Variants in ATRN observed in about 807,000 individuals in gnomAD.
The protein encoded by ATRN is attractin, also known as attractin-2.
Under a neutral mutation model 178.7 loss-of-function variants are expected in ATRN, and 54 were observed. The observed-to-expected ratio is 0.30, with a 90% CI of 0.24 to 0.38. The LOEUF (loss-of-function observed/expected upper bound fraction) is 0.38. Ranked by LOEUF, ATRN falls within the 10% of genes least tolerant of loss-of-function variation. ATRN has a pLI of 1.00. For missense variants in ATRN, 1,443 were observed against 1,815.1 expected (o/e 0.79, Z 3.73); for synonymous variants, 636 against 663.0 (o/e 0.96, Z 0.63).
intron 1 of ATRN, among the ~76,000 whole-genome samples, chr20:3,532,310 C>T (rs1288748868): frequency 2.0e-5 from 3 of 152,224 alleles, no homozygotes; most frequent in African/African-American, 2.4e-5. Context: ...TACACACACA[C>T]GGAATAAAAC....
At chr20:3,504,818 A>G (rs143739260) in intron 1 of ATRN, among the ~76,000 whole-genome samples, 55 of 152,052 alleles carry the variant, frequency 3.6e-4, no homozygotes, top group African/African-American at 1.3e-3. Flanking sequence ...AACACTGAAG[A>G]TGATGATATT....
intron 13 of ATRN, among the ~76,000 whole-genome samples, 168 bp from the exon 14 acceptor site, chr20:3,576,691 G>GTCTGTCTA (rs1245029424): frequency 1.8e-5 from 1 of 55,894 alleles, no homozygotes; most frequent in African/African-American, 5.5e-5. Context: ...CTGTCTGTCT[G>GTCTGTCTA]TCTGTCTATC....
chr20:3,519,697 G>T (rs535408231), intron 1 of ATRN, among the ~76,000 whole-genome samples: 3 of 152,264 alleles, frequency 2.0e-5, no homozygotes, highest in Admixed American at 2.0e-4. Context: ...GAACCCATCT[G>T]TGTAACCAGA....
In ATRN at chr20:3,634,392, A is replaced by G. The variant is rs377345090; in HGVS notation, c.3942+3A>G. ...GTTGGGCCTCCAGACGTAGAGAGGT[A>G]AGCTTCAGTGGGTAAAGATTAAAGA... On this transcript the variant is annotated splice_donor_region_variant and intron_variant, in intron 26 of 28. Transcript: ENST00000262919. The G allele has an allele frequency of 1.2e-5, 19 of 1,610,994 alleles. No homozygotes were observed. Among genetic ancestry groups the G allele is most frequent in the Non-Finnish European group, 1.7e-6 (2 of 1,177,632 alleles).
intron 1 of ATRN, among the ~76,000 whole-genome samples, chr20:3,483,702 G>A (rs984100567): frequency 1.3e-5 from 2 of 152,012 alleles, no homozygotes; most frequent in East Asian, 1.9e-4. Context: ...TTTCTCTAGG[G>A]TAGTGATCTT....
chr20:3,583,925 C>T lies in ATRN; in HGVS notation c.2792C>T (p.Thr931Ile). ...PANHSAKQCR[T>I]PCALRTACGD... Reference sequence around the variant, plus strand: ...AACCACAGTGCTAAGCAGTGCCGGACACCATGTGCCTTGAGGACAGCATGT... The same window carrying T: ...AACCACAGTGCTAAGCAGTGCCGGATACCATGTGCCTTGAGGACAGCATGT... The change falls in exon 17 of 29, where the codon ACA becomes ATA. Residue 931 changes from threonine to isoleucine, a missense_variant. By Grantham distance (89) the Thr-to-Ile change is moderately conservative. Around this residue, in one of 4 missense-constraint regions of ATRN, gnomAD observed 212 missense variants for 330.7 expected, o/e 0.64. Coordinates refer to ENST00000262919, the MANE Select transcript of ATRN (RefSeq NM_139321.3). The T allele has an allele frequency of 6.2e-7, 1 of 1,614,180 alleles. No homozygotes were observed.
Position 3,597,993 on chromosome 20 carries a change from C to A in ATRN, c.3557C>A (p.Pro1186His). 1 of 1,603,990 alleles carries A rather than the reference C, an allele frequency of 6.2e-7. No individual in the cohort carries two copies. The highest frequency in any genetic ancestry group is 8.5e-7 in the Non-Finnish European group (1 of 1,171,288). Residue 1186 changes from proline (P) to histidine (H), a missense_variant, in exon 22 of 29, where the codon CCT becomes CAT. Pro to His is a moderately conservative substitution (Grantham distance 77). Transcript: ENST00000262919. Reference protein sequence around the residue: ...YYTAINFVATPDEQNRDLDMF... With the variant: ...YYTAINFVATHDEQNRDLDMF... ...ACAGCTATCAATTTTGTGGCTACTC[C>A]TGACGAAGTAAGATTTTTTAAAGTC... is the stretch of plus-strand genomic sequence containing the variant.
intron 19 of ATRN, among the ~76,000 whole-genome samples, chr20:3,591,819 C>T (rs1373245057): frequency 6.6e-6 from 1 of 152,198 alleles, no homozygotes; most frequent in Non-Finnish European, 1.5e-5. Flanking sequence ...CATCAGGAGG[C>T]CTTGGTGCCT....
Position 3,628,892 on chromosome 20 carries a change from T to C in ATRN, c.3863+4320T>C, listed in dbSNP as rs949929532. Reference sequence around the variant, plus strand: ...CTATTCAGCCTCTCACTGTTGATTTTTTCCCAGACCTTGACCCTGGCCGTC... The same window carrying C: ...CTATTCAGCCTCTCACTGTTGATTTCTTCCCAGACCTTGACCCTGGCCGTC... On this transcript the variant is annotated intron_variant, in intron 25 of 28. Transcript: ENST00000262919. 7.1e-6 allele frequency: 7 copies of C among 985,356 alleles called. No homozygotes were observed. In the African/African-American group the frequency reaches 1.2e-4, roughly 17 times the overall value. The allele number at this position is 985,356 out of a possible 1,614,324, so 61.0% of individuals were successfully genotyped here. A position where few individuals can be genotyped will look rare whatever the true frequency, so the allele number is the denominator to read the frequency against.
At chr20:3,565,217 T>C in intron 10 of ATRN, 131 bp from the exon 11 acceptor site, 1 of 671,214 alleles carries the variant, frequency 1.5e-6, no homozygotes, top group Non-Finnish European at 2.5e-6. Context: ...AGAAATGATG[T>C]TGTAACTGAG....
At chr20:3,510,067 A>G (rs2085104132) in intron 1 of ATRN, among the ~76,000 whole-genome samples, 1 of 152,174 alleles carries the variant, frequency 6.6e-6, no homozygotes, top group Non-Finnish European at 1.5e-5. Context: ...ATTTTCTGAG[A>G]ATAGTGATAG....
intron 7 of ATRN, among the ~76,000 whole-genome samples, chr20:3,560,181 C>G (rs1458586588): frequency 1.3e-5 from 2 of 152,082 alleles, no homozygotes; most frequent in Non-Finnish European, 2.9e-5. Flanking sequence ...TGGTAACCAC[C>G]AGTCTACTCT....
chr20:3,556,576 T>C (rs1368124087), intron 6 of ATRN, among the ~76,000 whole-genome samples: 1 of 152,180 alleles, frequency 6.6e-6, no homozygotes, highest in East Asian at 1.9e-4. Flanking sequence ...GGAGGTGCTG[T>C]CACTCTATGG....
intron 25 of ATRN, 94 bp from the exon 26 acceptor site, chr20:3,634,217 G>T (rs1006176531): frequency 1.8e-6 from 2 of 1,089,394 alleles, no homozygotes; most frequent in African/African-American, 3.1e-5. Context: ...GTGGCATGTG[G>T]GAGCTGTTTT....
At chr20:3,557,533 T>C (rs1233090593) in intron 6 of ATRN, among the ~76,000 whole-genome samples, 6 of 152,088 alleles carry the variant, frequency 3.9e-5, no homozygotes, top group Non-Finnish European at 8.8e-5. Flanking sequence ...GAGCTCTACT[T>C]AAACAAAACA....
chr20:3,571,076 T>C (rs979781388), intron 11 of ATRN, among the ~76,000 whole-genome samples: 1 of 152,228 alleles, frequency 6.6e-6, no homozygotes, highest in African/African-American at 2.4e-5. Flanking sequence ...GCTCACTCCA[T>C]AGAAGTATGT....
intron 24 of ATRN, among the ~76,000 whole-genome samples, chr20:3,614,850 T>G (rs2086820716): frequency 6.6e-6 from 1 of 152,194 alleles, no homozygotes; most frequent in Admixed American, 6.5e-5. Context: ...TGGATTTGCC[T>G]ATTCTGGACA....
Position 3,638,545 on chromosome 20 carries a change from G to A in ATRN, c.3943-283G>A, listed in dbSNP as rs559856895. ...CCAGTCTATCATTGATGGGCATTTGGGTTGGTTCTAAGTCTTCGCTACTGT... is the reference window on the plus strand; with the variant it reads ...CCAGTCTATCATTGATGGGCATTTGAGTTGGTTCTAAGTCTTCGCTACTGT... On this transcript the variant is annotated intron_variant, in intron 26 of 28. Transcript: ENST00000262919. This position sits in a 1 kb window ranked among gnomAD's most constrained non-coding sequence, Gnocchi z 4.5. 6.6e-6 allele frequency among the ~76,000 whole-genome samples: 1 copy of A among 152,230 alleles called. No individual in the cohort carries two copies. The highest frequency in any genetic ancestry group is 1.9e-4 in the East Asian group (1 of 5,184).
chr20:3,620,811 G>A (rs1419076370), intron 24 of ATRN, among the ~76,000 whole-genome samples: 1 of 152,132 alleles, frequency 6.6e-6, no homozygotes, highest in Non-Finnish European at 1.5e-5. Flanking sequence ...TGTCTTCATA[G>A]ACAGAAGAAT....
Sources: gnomAD v4.1 joint callset for allele counts (sites outside exome capture counted in the v4.1 genomes callset) on GRCh38, gnomAD v4.1.1 for gene constraint, gnomAD v4.1.1 regional missense constraint, Gnocchi (gnomAD v3.1) non-coding constraint, MANE v1.5 for transcripts, NCBI Gene and HGNC (gene_info 2026-07-23, HGNC 2026-07-21) for gene names.